Variants in CCDC102A observed in about 807,000 individuals in gnomAD.
CCDC102A encodes coiled-coil domain-containing protein 102A.
In CCDC102A, 40 loss-of-function variants were observed where a neutral mutation model predicts 55.5. The observed-to-expected ratio is 0.72, with a 90% CI of 0.56 to 0.94. The LOEUF is 0.94. CCDC102A is among the 40% of genes least tolerant of loss of function. The pLI is 0.00. For synonymous variants in CCDC102A, 323 were observed against 339.0 expected (o/e 0.95, Z 0.52); for missense variants, 779 against 768.6 (o/e 1.01, Z -0.16).
chr16:57,528,605 C>T lies in CCDC102A; in HGVS notation c.573G>A (p.Pro191=), dbSNP rs537637407. The T allele has an allele frequency of 4.7e-6, 6 of 1,267,454 alleles. No individual in the cohort carries two copies. Among genetic ancestry groups the T allele is most frequent in the Admixed American group, 3.4e-5 (1 of 29,072 alleles). The allele number at this position is 1,267,454 out of a possible 1,614,324, so 78.5% of individuals were successfully genotyped here. A position where few individuals can be genotyped will look rare whatever the true frequency, so the allele number is the denominator to read the frequency against. ...CCGCGCCGCGCACCTGGCTGCCTGG[C>T]GGCCTCTCGGACCCGACGTCACGCA... is the stretch of plus-strand genomic sequence containing the variant. ...EPVRDVGSER[P]PGSQELELVE... is the part of the protein sequence containing the mutation. The change falls in exon 2 of 9, where the codon CCG becomes CCA. Residue 191 remains proline (P), a synonymous_variant. Coordinates refer to ENST00000258214, the MANE Select transcript of CCDC102A (RefSeq NM_033212.4).
chr16:57,526,200 G>C, intron 2 of CCDC102A, 73 bp from the exon 3 acceptor site: 1 of 1,119,448 alleles, frequency 8.9e-7, no homozygotes, highest in Admixed American at 2.7e-5. Context: ...AGCTTGATGG[G>C]TAACCTTGGG....
chr16:57,532,121 G>GA (rs1159200431), intron 1 of CCDC102A, among the ~76,000 whole-genome samples: 2 of 152,156 alleles, frequency 1.3e-5, no homozygotes, highest in African/African-American at 4.8e-5. Flanking sequence ...GGATGTGTGA[G>GA]AGAGACCAGT....
At chr16:57,523,045 T>C (rs1337453048) in intron 3 of CCDC102A, among the ~76,000 whole-genome samples, 1 of 152,072 alleles carries the variant, frequency 6.6e-6, no homozygotes, top group Admixed American at 6.6e-5. Flanking sequence ...TGTGTGCCTG[T>C]AGTCCTAGCT....
At chr16:57,536,382 C>G (rs2032389847) in intron 1 of CCDC102A, 118 bp downstream of exon 1, 1 of 152,330 alleles carries the variant, frequency 6.6e-6, no homozygotes. Context: ...CCGACTGTGT[C>G]TGCTCCTCCA....
At chr16:57,527,447 T>G (rs2032158286) in intron 2 of CCDC102A, among the ~76,000 whole-genome samples, 1 of 145,574 alleles carries the variant, frequency 6.9e-6, no homozygotes, top group Non-Finnish European at 1.5e-5. Flanking sequence ...GAGATGGAGA[T>G]TCACTCTCGT....
chr16:57,516,605 A>G lies in CCDC102A; in HGVS notation c.1249-142T>C. ...CAGAATCTCTCCATCTGTTGTCTGA[A>G]GTATCAGCAGTAGAGGTTTGGCTGA... On this transcript the variant is annotated intron_variant, in intron 6 of 8. Coordinates refer to ENST00000258214, the MANE Select transcript of CCDC102A (RefSeq NM_033212.4). This position sits in a 1 kb window ranked among gnomAD's most constrained non-coding sequence, Gnocchi z 4.4. 1.4e-6 allele frequency: 1 copy of G among 709,876 alleles called. No individual in the cohort carries two copies. Among genetic ancestry groups the G allele is most frequent in the Non-Finnish European group, 2.4e-6 (1 of 417,636 alleles). The allele number at this position is 709,876 out of a possible 1,614,324, so 44.0% of individuals were successfully genotyped here.
intron 4 of CCDC102A, among the ~76,000 whole-genome samples, chr16:57,519,615 G>A (rs1231274502): frequency 6.6e-6 from 1 of 152,232 alleles, no homozygotes; most frequent in Non-Finnish European, 1.5e-5. Flanking sequence ...TAATGTTGAG[G>A]GAGAGACACC....
intron 1 of CCDC102A, among the ~76,000 whole-genome samples, chr16:57,531,941 A>G (rs1401636386): frequency 6.6e-6 from 1 of 152,192 alleles, no homozygotes; most frequent in Non-Finnish European, 1.5e-5. Flanking sequence ...CCTTTTGTCA[A>G]GGTTCCTCCG....
intron 6 of CCDC102A, among the ~76,000 whole-genome samples, chr16:57,517,407 T>C (rs1318229191): frequency 1.3e-5 from 2 of 152,116 alleles, no homozygotes; most frequent in African/African-American, 4.8e-5. Flanking sequence ...GGTGCAGTGG[T>C]GCAATCTCAG....
chr16:57,527,805 G>A (rs1371709224), intron 2 of CCDC102A, among the ~76,000 whole-genome samples: 2 of 152,188 alleles, frequency 1.3e-5, no homozygotes, highest in African/African-American at 4.8e-5. Context: ...CCTAGATAAC[G>A]CACATGCTCG....
Position 57,528,881 on chromosome 16 carries a change from G to A in CCDC102A, c.297C>T (p.Asp99=), listed in dbSNP as rs1197815277. The A allele has an allele frequency of 7.2e-7, 1 of 1,388,608 alleles. No individual in the cohort carries two copies. Among genetic ancestry groups the A allele is most frequent in the Non-Finnish European group, 9.4e-7 (1 of 1,066,056 alleles). The allele number at this position is 1,388,608 out of a possible 1,614,324, so 86.0% of individuals were successfully genotyped here. ...QMEKTMRRWS[D]CTANWREKWS... is the part of the protein sequence containing the mutation. ...ATTTCTCGCGCCAATTGGCAGTGCAGTCCGACCACCGGCGCATGGTCTTCT... is the reference window on the plus strand; with the variant it reads ...ATTTCTCGCGCCAATTGGCAGTGCAATCCGACCACCGGCGCATGGTCTTCT... The change falls in exon 2 of 9, where the codon GAC becomes GAT. Residue 99 remains aspartate (D), a synonymous_variant. Coordinates refer to ENST00000258214, the MANE Select transcript of CCDC102A (RefSeq NM_033212.4).
intron 1 of CCDC102A, among the ~76,000 whole-genome samples, chr16:57,532,886 G>A (rs1237105398): frequency 6.6e-6 from 1 of 152,306 alleles, no homozygotes; most frequent in South Asian, 2.1e-4. Flanking sequence ...TGCTGGGTAT[G>A]GGGGCCCGGG....
intron 1 of CCDC102A, among the ~76,000 whole-genome samples, chr16:57,531,094 G>A (rs1483456285): frequency 2.0e-5 from 3 of 151,656 alleles, no homozygotes; most frequent in African/African-American, 4.9e-5. Flanking sequence ...ATCCCTGCCC[G>A]AGCCATCTCG....
chr16:57,521,259 C>T (rs2032047706), intron 3 of CCDC102A, 83 bp from the exon 4 acceptor site: 1 of 1,048,790 alleles, frequency 9.5e-7, no homozygotes, highest in East Asian at 2.4e-5. Context: ...GCTGTGTGCC[C>T]TCTGCACTTG....
intron 3 of CCDC102A, among the ~76,000 whole-genome samples, chr16:57,522,334 G>GCCCA (rs1339536317): frequency 1.3e-5 from 2 of 152,116 alleles, no homozygotes; most frequent in Admixed American, 6.5e-5. Flanking sequence ...AAGTGCAAGT[G>GCCCA]CCCAGCTCAT....
In CCDC102A at chr16:57,525,755, C is replaced by A. The variant is rs557823564; in HGVS notation, c.812+146G>T. 2.5e-4 allele frequency: 187 copies of A among 739,120 alleles called. 1 individual carries two copies. In the African/African-American group the frequency reaches 2.9e-3, roughly 12 times the overall value. 45.8% of individuals were successfully genotyped at this position (739,120 alleles called of 1,614,324 possible). On this transcript the variant is annotated intron_variant, in intron 3 of 8. Coordinates refer to ENST00000258214, the MANE Select transcript of CCDC102A (RefSeq NM_033212.4). ...AATAAATAAAAACTTGCACTGAGTT[C>A]TTGGGTGGAACACCACTGCTCTACA...
rs774847136 is a variant in CCDC102A, at chr16:57,518,083, G to A, written c.1233C>T (p.Leu411=). The A allele has an allele frequency of 7.5e-6, 12 of 1,600,280 alleles. No individual in the cohort carries two copies. The highest frequency in any genetic ancestry group is 8.5e-6 in the Non-Finnish European group (10 of 1,175,484). The change falls in exon 6 of 9, where the codon CTC becomes CTT. Residue 411 remains leucine, a synonymous_variant. Coordinates refer to ENST00000258214, the MANE Select transcript of CCDC102A (RefSeq NM_033212.4). ...CTTGCCCCACCTTGTTCTTCTCGAA[G>A]AGCGCGGCCTGGCTGGCCCTCAGGT... is the stretch of plus-strand genomic sequence containing the variant. ...DCDLRASQAA[L]FEKNKELADL... is the part of the protein sequence containing the mutation.
At chr16:57,531,141 T>G (rs540666154) in intron 1 of CCDC102A, among the ~76,000 whole-genome samples, 1 of 152,102 alleles carries the variant, frequency 6.6e-6, no homozygotes, top group Non-Finnish European at 1.5e-5. Flanking sequence ...CCAGCCCAGG[T>G]TGCCCTCAGA....
chr16:57,512,326 A>G lies in CCDC102A; in HGVS notation c.*415T>C, dbSNP rs2031876523. On this transcript the variant is annotated 3_prime_UTR_variant, in exon 9 of 9. Coordinates refer to ENST00000258214, the MANE Select transcript of CCDC102A (RefSeq NM_033212.4). ...AGAACTTGAACTTCATTTATTACAA[A>G]TAACTGGGTTCACTGCATTGTATGA... 2 of 398,520 alleles carry G rather than the reference A, an allele frequency of 5.0e-6. No individual in the cohort carries two copies. The highest frequency in any genetic ancestry group is 2.1e-5 in the African/African-American group (1 of 48,608). 24.7% of individuals were successfully genotyped at this position (398,520 alleles called of 1,614,324 possible).
Sources: gnomAD v4.1 joint callset for allele counts (sites outside exome capture counted in the v4.1 genomes callset) on GRCh38, gnomAD v4.1.1 for gene constraint, Gnocchi (gnomAD v3.1) non-coding constraint, MANE v1.5 for transcripts, NCBI Gene and HGNC (gene_info 2026-07-23, HGNC 2026-07-21) for gene names.